The following CHD7 variants were observed in gnomAD, a reference collection of about 807,000 sequenced individuals.
CHD7 encodes the protein chromodomain helicase DNA binding protein 7.
In CHD7, 24 loss-of-function variants were observed where a neutral mutation model predicts 307.3. The ratio of observed to expected loss-of-function variants is 0.08; its 90% CI spans 0.06 to 0.11. The LOEUF (loss-of-function observed/expected upper bound fraction) is 0.11. Among genes scored for constraint, CHD7 ranks in the 10% least tolerant of loss-of-function variants. The pLI is 1.00. For synonymous variants in CHD7, 1,363 were observed against 1,349.9 expected (o/e 1.01, Z -0.21); for missense variants, 3,106 against 3,727.1 (o/e 0.83, Z 4.34).
At chr8:60,712,567 C>T (rs1807333907) in intron 1 of CHD7, among the ~76,000 whole-genome samples, 1 of 152,158 alleles carries the variant, frequency 6.6e-6, no homozygotes, top group Admixed American at 6.5e-5. Flanking sequence ...TATTATTTAG[C>T]AGCAAATCCC....
chr8:60,828,763 C>G lies in CHD7; in HGVS notation c.3479C>G (p.Thr1160Ser), dbSNP rs1804367833. ...FLEPSRFPSE[T>S]TFMQEFGDLK... ...GAACCAAGTCGCTTCCCTTCAGAAA[C>G]CACATTTATGCAAGAATTTGGTGAT... Residue 1160 changes from threonine (T) to serine (S), a missense_variant, in exon 14 of 38, where the codon ACC becomes AGC. Thr to Ser is a moderately conservative substitution (Grantham distance 58). This residue lies in a region of CHD7 where 232 missense variants were observed against 422.5 expected (regional missense o/e 0.55). Coordinates refer to ENST00000423902, the MANE Select transcript of CHD7 (RefSeq NM_017780.4). 4 of 1,613,418 alleles carry G rather than the reference C, an allele frequency of 2.5e-6. No homozygotes were observed. The highest frequency in any genetic ancestry group is 3.4e-6 in the Non-Finnish European group (4 of 1,179,674).
chr8:60,818,509 A>G (rs769745869), intron 8 of CHD7, among the ~76,000 whole-genome samples: 7 of 152,236 alleles, frequency 4.6e-5, no homozygotes, highest in Non-Finnish European at 8.8e-5. Flanking sequence ...ACGTGTGTTT[A>G]CCTACGTCTA....
Position 60,856,624 on chromosome 8 carries a change from A to G in CHD7, c.7344A>G (p.Ser2448=), listed in dbSNP as rs753934060. The change falls in exon 34 of 38, where the codon TCA becomes TCG. Residue 2448 remains serine (S), a synonymous_variant. Coordinates refer to ENST00000423902, the MANE Select transcript of CHD7 (RefSeq NM_017780.4). ...AAGTTGTAGATTTATCAAAGGCCTCAAGAGAGGCAACAAGCTCTACCTCAA... is the reference window on the plus strand; with the variant it reads ...AAGTTGTAGATTTATCAAAGGCCTCGAGAGAGGCAACAAGCTCTACCTCAA... ...QEKVVDLSKA[S]REATSSTSNF... is the part of the protein sequence containing the mutation. The G allele has an allele frequency of 6.2e-7, 1 of 1,614,028 alleles. No individual in the cohort carries two copies. The highest frequency in any genetic ancestry group is 1.1e-5 in the South Asian group (1 of 91,078).
intron 2 of CHD7, among the ~76,000 whole-genome samples, chr8:60,774,787 G>T (rs1810873742): frequency 6.6e-6 from 1 of 152,176 alleles, no homozygotes; most frequent in South Asian, 2.1e-4. Flanking sequence ...TTAGAAAAGG[G>T]TTTAGCATTG....
At chr8:60,817,136 C>T (rs1463158001) in intron 8 of CHD7, among the ~76,000 whole-genome samples, 2 of 152,190 alleles carry the variant, frequency 1.3e-5, no homozygotes, top group Non-Finnish European at 2.9e-5. Flanking sequence ...AAAGTGCTTT[C>T]ACAAGCTGCT....
At chr8:60,687,650 A>G (rs189411593) in intron 1 of CHD7, among the ~76,000 whole-genome samples, 1 of 152,368 alleles carries the variant, frequency 6.6e-6, no homozygotes, top group Admixed American at 6.5e-5. Context: ...TAACAGTAAT[A>G]ACCATAATGA....
intron 9 of CHD7, among the ~76,000 whole-genome samples, chr8:60,820,473 G>A (rs1456788230): frequency 6.6e-6 from 1 of 152,152 alleles, no homozygotes; most frequent in East Asian, 1.9e-4. Context: ...TTAGAATTGG[G>A]CATCATTAGT....
chr8:60,812,147 G>A lies in CHD7; in HGVS notation c.2498+3875G>A, dbSNP rs118190852. ...CATTGCCCATTAAAATTTTTTGTACGGTCAGATTTATCAATTTTTTCTTTT... is the reference window on the plus strand; with the variant it reads ...CATTGCCCATTAAAATTTTTTGTACAGTCAGATTTATCAATTTTTTCTTTT... On this transcript the variant is annotated intron_variant, in intron 7 of 37. Coordinates refer to ENST00000423902, the MANE Select transcript of CHD7 (RefSeq NM_017780.4). 3.2e-4 allele frequency among the ~76,000 whole-genome samples: 49 copies of A among 152,038 alleles called. 1 individual carries two copies. In the East Asian group the frequency reaches 8.1e-3, roughly 25 times the overall value.
intron 2 of CHD7, among the ~76,000 whole-genome samples, chr8:60,752,590 A>C (rs1346313924): frequency 2.0e-5 from 3 of 152,170 alleles, no homozygotes; most frequent in African/African-American, 4.8e-5. Flanking sequence ...TATGTATCTA[A>C]ATGTGCTCTT....
intron 2 of CHD7, among the ~76,000 whole-genome samples, chr8:60,766,233 A>T (rs546553001): frequency 3.3e-5 from 5 of 152,336 alleles, no homozygotes; most frequent in Non-Finnish European, 5.9e-5. Flanking sequence ...TCCCTGAGGT[A>T]GAAGGATGTG....
rs560030949 is a variant in CHD7 at position 60,741,465 on chromosome 8, C to G, written c.33C>G (p.Gly11=). The G allele has an allele frequency of 6.2e-7, 1 of 1,609,724 alleles. No homozygotes were observed. Among genetic ancestry groups the G allele is most frequent in the South Asian group, 1.1e-5 (1 of 90,068 alleles). Residue 11 remains glycine (G), a synonymous_variant, in exon 2 of 38, where the codon GGC becomes GGG. Coordinates refer to ENST00000423902, the MANE Select transcript of CHD7 (RefSeq NM_017780.4). The part of the protein sequence containing the change: MADPGMMSLF[G]EDGNIFSEGL... ...ATCCAGGAATGATGAGTCTTTTTGGCGAGGATGGGAATATTTTCAGTGAAG... is the reference window on the plus strand; with the variant it reads ...ATCCAGGAATGATGAGTCTTTTTGGGGAGGATGGGAATATTTTCAGTGAAG...
chr8:60,836,755 A>G, intron 16 of CHD7, 62 bp from the exon 17 acceptor site: 1 of 1,227,784 alleles, frequency 8.1e-7, no homozygotes, highest in South Asian at 1.4e-5. Context: ...AAAAATTAAA[A>G]AAAGGAGCAA....
At chr8:60,778,095 TG>T (rs1404988399) in intron 2 of CHD7, among the ~76,000 whole-genome samples, 1 of 29,570 alleles carries the variant, frequency 3.4e-5, no homozygotes, top group Non-Finnish European at 7.1e-5. Context: ...TCTGGTGGGG[TG>T]GGGGGTGGAG....
chr8:60,694,409 G>A (rs1806355060), intron 1 of CHD7, among the ~76,000 whole-genome samples: 1 of 152,252 alleles, frequency 6.6e-6, no homozygotes, highest in African/African-American at 2.4e-5. Flanking sequence ...TTATGACCCT[G>A]TGGAACAGGA....
intron 1 of CHD7, among the ~76,000 whole-genome samples, chr8:60,740,392 C>G (rs1325638681): frequency 6.6e-6 from 1 of 152,216 alleles, no homozygotes; most frequent in African/African-American, 2.4e-5. Context: ...CTAGTTTTCT[C>G]TGAGTGGTCA....
At chr8:60,818,075 G>A (rs897763710) in intron 8 of CHD7, among the ~76,000 whole-genome samples, 1 of 152,192 alleles carries the variant, frequency 6.6e-6, no homozygotes, top group Non-Finnish European at 1.5e-5. Context: ...TCTGTCCTGA[G>A]TGGGAGTTAG....
intron 22 of CHD7, 72 bp downstream of exon 22, chr8:60,845,135 TAA>T: frequency 6.3e-7 from 1 of 1,585,892 alleles, no homozygotes; most frequent in Non-Finnish European, 8.6e-7. Flanking sequence ...ACACTGTTGA[TAA>T]AGAGATGTGA....
At chr8:60,729,128 G>C (rs1280481896) in intron 1 of CHD7, among the ~76,000 whole-genome samples, 1 of 152,204 alleles carries the variant, frequency 6.6e-6, no homozygotes, top group African/African-American at 2.4e-5. Flanking sequence ...GCAATTTTGA[G>C]TACAAAGTGG....
At position 60,741,335 on chromosome 8, in the gene CHD7, A is replaced by G. The variant is rs1281549344; in HGVS notation, c.-98A>G. 1 of 798,916 alleles carries G rather than the reference A, an allele frequency of 1.3e-6. No individual in the cohort carries two copies. The highest frequency in any genetic ancestry group is 2.0e-6 in the Non-Finnish European group (1 of 500,590). 49.5% of individuals were successfully genotyped at this position (798,916 alleles called of 1,614,324 possible). ...AATATGGAATGACATGAAGAAGATT[A>G]GTTAAGGATTATAGGCTTTGAGGGC... On this transcript the variant is annotated 5_prime_UTR_variant, in exon 2 of 38. Coordinates refer to ENST00000423902, the MANE Select transcript of CHD7 (RefSeq NM_017780.4).
Sources: gnomAD v4.1 joint callset for allele counts (sites outside exome capture counted in the v4.1 genomes callset) on GRCh38, gnomAD v4.1.1 for gene constraint, gnomAD v4.1.1 regional missense constraint, MANE v1.5 for transcripts, NCBI Gene and HGNC (gene_info 2026-07-23, HGNC 2026-07-21) for gene names.